The following LIPJ variants were observed in gnomAD, a reference collection of about 807,000 sequenced individuals.
LIPJ encodes lipase member J.
Under a neutral mutation model 39.8 loss-of-function variants are expected in LIPJ, and 33 were observed. The observed-to-expected ratio is 0.83, with a 90% CI of 0.63 to 1.11. LIPJ has a LOEUF of 1.11. Among genes scored for constraint, LIPJ ranks in the 50% least tolerant of loss-of-function variants. The probability of loss-of-function intolerance (pLI) is 0.00; values close to 1 mark genes in which losing one functional copy is unlikely to be tolerated. For missense variants in LIPJ, 422 were observed against 427.9 expected (o/e 0.99, Z 0.12); for synonymous variants, 128 against 139.2 (o/e 0.92, Z 0.57).
At chr10:88,602,731 C>A (rs1459263991) in intron 9 of LIPJ, 84 bp downstream of exon 9, 1 of 683,882 alleles carries the variant, frequency 1.5e-6, no homozygotes, top group South Asian at 2.5e-5. Context: ...CATACCATGG[C>A]CATAGAGTAA....
chr10:88,622,328 C>T, the LIPJ span, among the ~76,000 whole-genome samples: 7 of 152,158 alleles, frequency 4.6e-5, no homozygotes, highest in Non-Finnish European at 1.0e-4. Flanking sequence ...AGCACTCCCT[C>T]AGCAAATCAG....
chr10:88,607,869 A>C (rs1003354754), downstream of LIPJ, among the ~76,000 whole-genome samples: 1 of 152,244 alleles, frequency 6.6e-6, no homozygotes, highest in Admixed American at 6.5e-5. Flanking sequence ...AACAAATAAA[A>C]GTTCAGTAGA....
At chr10:88,621,656 A>G in the LIPJ span, among the ~76,000 whole-genome samples, 3 of 152,182 alleles carry the variant, frequency 2.0e-5, no homozygotes, top group South Asian at 2.1e-4. Context: ...AAATTTTACT[A>G]TATGAATTTT....
chr10:88,616,144 T>G, the LIPJ span, among the ~76,000 whole-genome samples: 4 of 152,340 alleles, frequency 2.6e-5, no homozygotes, highest in South Asian at 8.3e-4. Flanking sequence ...ATGACAGTGA[T>G]TAAACAGCTA....
intron 8 of LIPJ, among the ~76,000 whole-genome samples, chr10:88,599,015 T>TTA (rs1277799799): frequency 5.5e-5 from 8 of 146,780 alleles, no homozygotes; most frequent in African/African-American, 2.0e-4. Context: ...TATAATAATA[T>TTA]ATTATATTAA....
In LIPJ at chr10:88,596,643, C is replaced by A. The variant is rs1473937026; in HGVS notation, c.577-147C>A. On this transcript the variant is annotated intron_variant, in intron 7 of 10. Transcript: ENST00000371939. ...ATTCAGTGGCCAAACCATCTCCACA[C>A]CCTGCTTCCAAGTTTTTTCCTTTAT... 4 of 857,566 alleles carry A rather than the reference C, an allele frequency of 4.7e-6. No individual in the cohort carries two copies. In the East Asian group the frequency reaches 1.0e-4, roughly 22 times the overall value. 53.1% of individuals were successfully genotyped at this position (857,566 alleles called of 1,614,324 possible).
rs749301820 is a variant in LIPJ at position 88,593,967 on chromosome 10, T to G, written c.152T>G (p.Leu51Trp). ...TCAGCTCAGAGGGTTGTTGTATACT[T>G]GCAACATGGTTTGCTTACATCTGCC... is the stretch of plus-strand genomic sequence containing the variant. The change falls in exon 5 of 11, where the codon TTG becomes TGG. Residue 51 changes from leucine to tryptophan, a missense_variant. Physicochemically the swap from Leu to Trp is moderately conservative, Grantham distance 61. Coordinates refer to ENST00000371939, the Ensembl canonical transcript of LIPJ. 5.0e-6 allele frequency: 8 copies of G among 1,612,178 alleles called. No homozygotes were observed. The East Asian group carries it at 1.8e-4, about 36-fold the overall frequency.
the LIPJ span, chr10:88,618,615 CAA>C: frequency 1.4e-4 from 21 of 152,606 alleles, no homozygotes; most frequent in African/African-American, 4.8e-4. Context: ...CTGGCAAAGG[CAA>C]AAGAGTTGCA....
chr10:88,612,585 T>C, the LIPJ span, among the ~76,000 whole-genome samples: 1 of 152,026 alleles, frequency 6.6e-6, no homozygotes, highest in African/African-American at 2.4e-5. Flanking sequence ...AGGAGTAGGA[T>C]TTTTATGTCA....
the LIPJ span, among the ~76,000 whole-genome samples, chr10:88,616,609 C>T: frequency 1.3e-5 from 2 of 152,174 alleles, no homozygotes; most frequent in Admixed American, 6.5e-5. Flanking sequence ...GGATTACGGC[C>T]GCCTACAGAA....
exon 5 of LIPJ, chr10:88,594,043 A>G (rs1303834605): frequency 6.2e-7 from 1 of 1,612,398 alleles, no homozygotes; most frequent in East Asian, 2.2e-5. Flanking sequence ...TCATTCTGGC[A>G]GATGCTGGTT....
chr10:88,597,794 T>C (rs1851312503), intron 8 of LIPJ, among the ~76,000 whole-genome samples: 1 of 151,926 alleles, frequency 6.6e-6, no homozygotes, highest in Non-Finnish European at 1.5e-5. Context: ...ATTCCCTCTT[T>C]TTCATATTTT....
In LIPJ at chr10:88,596,419, A is replaced by C. The variant is rs1851257386; in HGVS notation, c.576+3A>C. On this transcript the variant is annotated splice_donor_region_variant and intron_variant, in intron 7 of 10. Coordinates refer to ENST00000371939, the Ensembl canonical transcript of LIPJ. The stretch of plus-strand genomic sequence containing the variant: ...ACAAATGGAAGTCAATAGTCATGGT[A>C]TGTTCTACCTTTATTTTATGTCATT... 1 of 1,515,432 alleles carries C rather than the reference A, an allele frequency of 6.6e-7. No homozygotes were observed. The highest frequency in any genetic ancestry group is 8.8e-7 in the Non-Finnish European group (1 of 1,134,072). The allele number at this position is 1,515,432 out of a possible 1,614,324, so 93.9% of individuals were successfully genotyped here.
chr10:88,600,021 C>T (rs112571576), intron 8 of LIPJ, among the ~76,000 whole-genome samples: 3,059 of 151,836 alleles, frequency 0.02, 78 homozygotes, highest in South Asian at 0.085. Context: ...TAATACTTTA[C>T]TTTATCTTCT....
chr10:88,582,941 C>T (rs559512564), upstream of LIPJ: 2,214 of 1,081,292 alleles, frequency 2.0e-3, 9 homozygotes, highest in Non-Finnish European at 2.6e-3. Flanking sequence ...GCATGGGCCG[C>T]GCTACACGGC....
chr10:88,596,128 G>A, intron 6 of LIPJ, 152 bp from the exon 7 acceptor site: 1 of 490,266 alleles, frequency 2.0e-6, no homozygotes, highest in Non-Finnish European at 3.2e-6. Context: ...TGTATACTAG[G>A]TGATTTAAAA....
rs924745309 is a variant in LIPJ, at chr10:88,599,009, A to G, written c.723+2073A>G. Among the ~76,000 whole-genome samples the G allele has an allele frequency of 5.6e-4, 80 of 141,712 alleles. 1 individual carries two copies. Among genetic ancestry groups the G allele is most frequent in the Middle Eastern group, 4.0e-3 (1 of 248 alleles). 93.0% of individuals were successfully genotyped at this position (141,712 alleles called of 152,430 possible). On this transcript the variant is annotated intron_variant, in intron 8 of 10. Transcript: ENST00000371939. ...ATATAAAATATTATATTATATTATA[A>G]TAATATATTATATTAATTTAATATA... is the stretch of plus-strand genomic sequence containing the variant.
the LIPJ span, among the ~76,000 whole-genome samples, chr10:88,617,740 A>G: frequency 6.6e-6 from 1 of 152,230 alleles, no homozygotes; most frequent in East Asian, 1.9e-4. Context: ...GAAGTTCTGG[A>G]AGCTTCAGAA....
exon 7 of LIPJ, chr10:88,596,408 A>T (rs778834580): frequency 6.5e-7 from 1 of 1,535,940 alleles, no homozygotes; most frequent in South Asian, 1.3e-5. Flanking sequence ...ATGGAAGTCA[A>T]TAGTCATGGT....
Sources: gnomAD v4.1 joint callset for allele counts (sites outside exome capture counted in the v4.1 genomes callset) on GRCh38, gnomAD v4.1.1 for gene constraint, MANE v1.5 for transcripts, NCBI Gene and HGNC (gene_info 2026-07-23, HGNC 2026-07-21) for gene names.